HDAC9: variants seen among roughly 807,000 people sequenced by gnomAD.
The protein encoded by HDAC9 is histone deacetylase 9.
Under a neutral mutation model 139.4 loss-of-function variants are expected in HDAC9, and 41 were observed. The observed-to-expected ratio is 0.29, with a 90% CI of 0.23 to 0.38. HDAC9 has a LOEUF of 0.38. HDAC9 is among the 10% of genes least tolerant of loss of function. HDAC9 has a pLI of 1.00. For missense variants in HDAC9, 1,147 were observed against 1,297.0 expected (o/e 0.88, Z 1.78); for synonymous variants, 517 against 476.2 (o/e 1.09, Z -1.12).
intron 21 of HDAC9, among the ~76,000 whole-genome samples, chr7:18,854,596 T>A (rs1359040176): frequency 3.3e-5 from 5 of 151,728 alleles, no homozygotes; most frequent in Non-Finnish European, 7.4e-5. Context: ...TAGAAATGGC[T>A]GTAAGAGAAA....
chr7:18,984,885 G>A (rs1289604881), intron 25 of HDAC9, among the ~76,000 whole-genome samples: 1 of 152,042 alleles, frequency 6.6e-6, no homozygotes, highest in Non-Finnish European at 1.5e-5. Context: ...CAGTTGTATT[G>A]TTATGGTAGG....
At chr7:18,459,030 C>A (rs1364756404) in intron 1 of HDAC9, 4 of 671,256 alleles carry the variant, frequency 6.0e-6, no homozygotes, top group African/African-American at 5.4e-5. Context: ...TATGCTTGAC[C>A]CAGTTTTGCC....
intron 21 of HDAC9, among the ~76,000 whole-genome samples, chr7:18,856,777 A>G (rs989931463): frequency 1.3e-5 from 2 of 152,280 alleles, no homozygotes; most frequent in Non-Finnish European, 2.9e-5. Flanking sequence ...GTGAATGTGA[A>G]CAATACAATC....
chr7:18,223,483 C>T (rs959207278), intron 2 of HDAC9, among the ~76,000 whole-genome samples: 1 of 151,736 alleles, frequency 6.6e-6, no homozygotes, highest in African/African-American at 2.4e-5. Flanking sequence ...CTTTAGCTTC[C>T]CTTTTATAGA....
chr7:18,920,728 C>T (rs937307432), intron 22 of HDAC9, among the ~76,000 whole-genome samples: 47 of 152,074 alleles, frequency 3.1e-4, no homozygotes, highest in Non-Finnish European at 6.0e-4. Context: ...TGTCAAAGGC[C>T]TTTTCTGCAT....
At chr7:18,326,073 T>C (rs1397464509) in intron 1 of HDAC9, among the ~76,000 whole-genome samples, 1 of 152,110 alleles carries the variant, frequency 6.6e-6, no homozygotes, top group Non-Finnish European at 1.5e-5. Context: ...GTGTGTAAAA[T>C]TATCACTTTT....
chr7:18,901,573 C>T (rs1801726966), intron 22 of HDAC9, among the ~76,000 whole-genome samples: 1 of 152,090 alleles, frequency 6.6e-6, no homozygotes, highest in Non-Finnish European at 1.5e-5. Context: ...AAATGAATCT[C>T]TATGATTATG....
chr7:18,127,880 A>G lies in HDAC9; in HGVS notation c.-96-34349A>G, dbSNP rs374721811. On this transcript the variant is annotated intron_variant, in intron 1 of 12. Coordinates refer to the HDAC9 transcript ENST00000417496. ...TGCTTTTGATTCTTGTATACTAAACAAATTTTGAAGACAATTTTCGTGCAT... is the reference window on the plus strand; with the variant it reads ...TGCTTTTGATTCTTGTATACTAAACGAATTTTGAAGACAATTTTCGTGCAT... 3.6e-4 allele frequency among the ~76,000 whole-genome samples: 54 copies of G among 151,812 alleles called. No homozygotes were observed. The East Asian group carries it at 8.9e-3, about 25-fold the overall frequency.
intron 1 of HDAC9, among the ~76,000 whole-genome samples, chr7:18,472,491 A>G (rs1346495568): frequency 6.6e-6 from 1 of 152,184 alleles, no homozygotes; most frequent in Non-Finnish European, 1.5e-5. Context: ...ACAGGTTCTG[A>G]CTGCTGTCTA....
intron 2 of HDAC9, among the ~76,000 whole-genome samples, chr7:18,280,687 C>T (rs538089323): frequency 6.6e-6 from 1 of 151,224 alleles, no homozygotes; most frequent in African/African-American, 2.4e-5. Flanking sequence ...AGCCTGAGCC[C>T]AGGAGGTCAA....
intron 11 of HDAC9, among the ~76,000 whole-genome samples, chr7:18,658,262 A>C (rs560276006): frequency 6.6e-6 from 1 of 152,116 alleles, no homozygotes; most frequent in Admixed American, 6.6e-5. Context: ...AAGGCCTGGC[A>C]TATAGTAAAC....
chr7:18,227,353 A>G (rs929070865), intron 2 of HDAC9, among the ~76,000 whole-genome samples: 2 of 152,190 alleles, frequency 1.3e-5, no homozygotes, highest in African/African-American at 2.4e-5. Flanking sequence ...TTACTACAAG[A>G]TACTGTTGAT....
intron 1 of HDAC9, chr7:18,458,749 C>G: frequency 1.3e-6 from 1 of 781,014 alleles, no homozygotes; most frequent in East Asian, 2.7e-5. Flanking sequence ...AGAGTAGTAA[C>G]AAAGAGAGAG....
chr7:18,660,900 A>G (rs1011611258), intron 11 of HDAC9, among the ~76,000 whole-genome samples: 9 of 152,158 alleles, frequency 5.9e-5, no homozygotes, highest in Non-Finnish European at 8.8e-5. Flanking sequence ...TCTATGGACC[A>G]TGGTAGGAGG....
At chr7:18,934,585 T>A (rs542011256) in intron 22 of HDAC9, among the ~76,000 whole-genome samples, 1 of 152,290 alleles carries the variant, frequency 6.6e-6, no homozygotes, top group African/African-American at 2.4e-5. Flanking sequence ...ATGAAATCTC[T>A]AAGTTAAATT....
chr7:18,730,526 G>A (rs932019417), intron 13 of HDAC9, among the ~76,000 whole-genome samples: 7 of 152,030 alleles, frequency 4.6e-5, no homozygotes, highest in African/African-American at 1.7e-4. Flanking sequence ...ATCTGCATGG[G>A]GGCTATTCTA....
rs1365319508 is a variant in HDAC9 at position 18,996,674 on chromosome 7, T to TC, written c.*612_*613insC. On this transcript the variant is annotated 3_prime_UTR_variant, in exon 26 of 26. Coordinates refer to ENST00000686413, the MANE Select transcript of HDAC9 (RefSeq NM_178425.4). ...CAAGATGGAGGAACTAGCATGAGGC[T>TC]TTTTTCAGTATCTCGAAGTCCAAAT... 2 of 152,266 alleles carry TC rather than the reference T, an allele frequency of 1.3e-5. No individual in the cohort carries two copies. The highest frequency in any genetic ancestry group is 1.3e-4 in the Admixed American group (2 of 15,278). The allele number at this position is 152,266 out of a possible 1,614,324, so 9.4% of individuals were successfully genotyped here. A position where few individuals can be genotyped will look rare whatever the true frequency, so the allele number is the denominator to read the frequency against.
intron 1 of HDAC9, among the ~76,000 whole-genome samples, chr7:18,371,473 C>A (rs1784587586): frequency 6.6e-6 from 1 of 152,068 alleles, no homozygotes. Context: ...CTCACTGATT[C>A]TAACATTCTA....
At chr7:18,233,718 T>G (rs1486748701) in intron 2 of HDAC9, among the ~76,000 whole-genome samples, 1 of 152,178 alleles carries the variant, frequency 6.6e-6, no homozygotes, top group Non-Finnish European at 1.5e-5. Context: ...CCTTCTTTCT[T>G]GACCCTCTTT....
Sources: allele counts gnomAD v4.1 joint callset (sites outside exome capture counted in the v4.1 genomes callset), GRCh38; gene constraint gnomAD v4.1.1; transcripts MANE v1.5; gene names NCBI Gene and HGNC (gene_info 2026-07-23, HGNC 2026-07-21).